Variants in MTHFD1L observed in about 807,000 individuals in gnomAD.
MTHFD1L encodes methylenetetrahydrofolate dehydrogenase (NADP+ dependent) 1 like.
MTHFD1L carries 81 observed loss-of-function variants against 119.5 expected under a neutral mutation model. That is an observed-to-expected ratio of 0.68 (90% CI 0.57 to 0.82). The LOEUF (loss-of-function observed/expected upper bound fraction) is 0.82, where lower values mean the gene tolerates loss of function less well. MTHFD1L is among the 40% of genes least tolerant of loss of function. The pLI, the probability that MTHFD1L is intolerant of heterozygous loss-of-function variation, is 0.00. For missense variants in MTHFD1L, 1,125 were observed against 1,253.4 expected, an observed-to-expected ratio of 0.90 and a Z score of 1.55; for synonymous variants, 430 against 475.2, an observed-to-expected ratio of 0.90 and a Z score of 1.24.
intron 24 of MTHFD1L, among the ~76,000 whole-genome samples, chr6:151,028,602 G>A (rs781067126): frequency 8.5e-5 from 13 of 152,254 alleles, no homozygotes; most frequent in East Asian, 3.9e-4. Context: ...CTGTAGAGCC[G>A]TCACATTCAT....
chr6:150,909,299 A>G (rs1786467935), intron 8 of MTHFD1L, among the ~76,000 whole-genome samples: 2 of 151,600 alleles, frequency 1.3e-5, no homozygotes, highest in South Asian at 2.1e-4. Flanking sequence ...AAAAAAACCT[A>G]TTTCTTAGAA....
chr6:150,888,569 C>T (rs1782689068), intron 7 of MTHFD1L, among the ~76,000 whole-genome samples: 1 of 152,036 alleles, frequency 6.6e-6, no homozygotes, highest in African/African-American at 2.4e-5. Flanking sequence ...TAAGAAGACC[C>T]ATATAAAAGC....
chr6:150,869,866 A>T (rs1473198493), intron 1 of MTHFD1L, among the ~76,000 whole-genome samples: 2 of 152,034 alleles, frequency 1.3e-5, no homozygotes, highest in Non-Finnish European at 1.5e-5. Context: ...TGGTGATGGG[A>T]CTAGATGACC....
rs1409615714 is a variant in MTHFD1L at position 151,092,518 on chromosome 6, C to A, written c.2899C>A (p.Leu967Ile). Residue 967 changes from leucine to isoleucine, a missense_variant, in exon 27 of 28, where the codon CTT (leucine) becomes ATT (isoleucine). Physicochemically the swap from Leu to Ile is conservative, Grantham distance 5. Transcript: ENST00000367321. Reference protein sequence around the residue: ...PTRPCFYDIDLDTETEQVKGL... With the variant: ...PTRPCFYDIDIDTETEQVKGL... ...CCGGCCCTGCTTTTATGACATAGAT[C>A]TTGATACCGAAACAGAACAAGTTAA... 1.2e-6 allele frequency: 2 copies of A among 1,614,164 alleles called. No individual in the cohort carries two copies. The highest frequency in any genetic ancestry group is 1.7e-6 in the Non-Finnish European group (2 of 1,180,034).
At chr6:151,025,235 GGCTCCATGCCCACTGA>G (rs1290958178) in intron 24 of MTHFD1L, among the ~76,000 whole-genome samples, 1 of 152,238 alleles carries the variant, frequency 6.6e-6, no homozygotes, top group African/African-American at 2.4e-5. Context: ...GAGCCCACAG[GGCTCCATGCCCACTGA>G]GCAGGCTCGT....
chr6:151,017,311 A>G (rs1010838715), intron 24 of MTHFD1L, among the ~76,000 whole-genome samples: 9 of 151,402 alleles, frequency 5.9e-5, no homozygotes, highest in Non-Finnish European at 1.3e-4. Context: ...TTCACTTAGC[A>G]TAATGTGCGT....
chr6:150,923,544 C>CTTTTTTTTTTT (rs61415562), intron 10 of MTHFD1L, among the ~76,000 whole-genome samples: 8 of 53,228 alleles, frequency 1.5e-4, no homozygotes, highest in African/African-American at 4.2e-4. Flanking sequence ...TTTATTTTTT[C>CTTTTTTTTTTT]TTTTTTTTTT....
intron 20 of MTHFD1L, among the ~76,000 whole-genome samples, chr6:150,990,489 C>T (rs373683418): frequency 6.6e-6 from 1 of 151,546 alleles, no homozygotes; most frequent in African/African-American, 2.4e-5. Context: ...GACAGAGTTT[C>T]ACTCTTCTTG....
chr6:151,067,473 G>A (rs180966034), intron 26 of MTHFD1L, among the ~76,000 whole-genome samples: 3 of 151,522 alleles, frequency 2.0e-5, no homozygotes, highest in South Asian at 2.1e-4. Context: ...CCAGGTGTGC[G>A]CCACCACACC....
Position 150,926,197 on chromosome 6 carries a change from T to A in MTHFD1L, c.1158T>A (p.Asp386Glu). ...VLAKEIGLLA[D>E]EIEIYGKSKA... ...CCAAGGAGATTGGATTGCTTGCAGATGAAATTGAAATCTATGGCAAAAGCA... is the reference window on the plus strand; with the variant it reads ...CCAAGGAGATTGGATTGCTTGCAGAAGAAATTGAAATCTATGGCAAAAGCA... Residue 386 changes from aspartate to glutamate, a missense_variant, in exon 11 of 28, where the codon GAT (aspartate) becomes GAA (glutamate). Asp to Glu is a conservative substitution (Grantham distance 45). Around this residue, in one of 3 missense-constraint regions of MTHFD1L, gnomAD observed 1,058 missense variants for 1,151.2 expected, o/e 0.92. Transcript: ENST00000367321. The surrounding 1 kb of genome is among the most constrained non-coding windows in gnomAD (Gnocchi z 4.3). 1 of 1,614,104 alleles carries A rather than the reference T, an allele frequency of 6.2e-7. No homozygotes were observed. Among genetic ancestry groups the A allele is most frequent in the Non-Finnish European group, 8.5e-7 (1 of 1,180,012 alleles).
At chr6:151,044,046 TAGTC>T (rs1488965046) in intron 26 of MTHFD1L, among the ~76,000 whole-genome samples, 4 of 151,880 alleles carry the variant, frequency 2.6e-5, no homozygotes, top group Non-Finnish European at 5.9e-5. Flanking sequence ...ATTTAGATGG[TAGTC>T]AGTGCCATGT....
intron 14 of MTHFD1L, among the ~76,000 whole-genome samples, chr6:150,945,207 T>C (rs967890692): frequency 2.0e-5 from 3 of 152,382 alleles, no homozygotes; most frequent in Admixed American, 2.0e-4. Flanking sequence ...TACATCTTCA[T>C]ATGGTAGTTG....
Position 150,922,136 on chromosome 6 carries a change from C to G in MTHFD1L, c.985-69C>G, listed in dbSNP as rs1295425988. On this transcript the variant is annotated intron_variant, in intron 9 of 27. Transcript: ENST00000367321. ...TTGTAACATCCACAAACAATATTTCCATGGTTTAAGTGTGTGCCCTGTCAG... is the reference window on the plus strand; with the variant it reads ...TTGTAACATCCACAAACAATATTTCGATGGTTTAAGTGTGTGCCCTGTCAG... 2.1e-5 allele frequency: 23 copies of G among 1,087,140 alleles called. No individual in the cohort carries two copies. The East Asian group carries it at 5.3e-4, about 25-fold the overall frequency. 67.3% of individuals were successfully genotyped at this position (1,087,140 alleles called of 1,614,324 possible). A position where few individuals can be genotyped will look rare whatever the true frequency, so the allele number is the denominator to read the frequency against.
chr6:151,036,899 G>A (rs1364845666), intron 25 of MTHFD1L, 66 bp from the exon 26 acceptor site: 6 of 1,564,496 alleles, frequency 3.8e-6, no homozygotes, highest in Non-Finnish European at 3.5e-6. Context: ...TGTATAAAGT[G>A]CAAATTGAAA....
rs1159841952 is a variant in MTHFD1L at position 150,871,092 on chromosome 6, C to CACCT, written c.228-4997_228-4994dup. On this transcript the variant is annotated intron_variant, in intron 1 of 27. Coordinates refer to ENST00000367321, the MANE Select transcript of MTHFD1L (RefSeq NM_015440.5). ...TATATACCTTAATTATATATATACACACCTTAATATATATATAATATATAT... is the reference window on the plus strand; with the variant it reads ...TATATACCTTAATTATATATATACACACCTACCTTAATATATATATAATATATAT... Among the ~76,000 whole-genome samples, 20 of 143,356 alleles carry CACCT rather than the reference C, an allele frequency of 1.4e-4. No individual in the cohort carries two copies. In the East Asian group the frequency reaches 4.0e-3, roughly 29 times the overall value. The allele number at this position is 143,356 out of a possible 152,430, so 94.0% of individuals were successfully genotyped here.
chr6:151,057,613 C>T (rs1239149702), intron 26 of MTHFD1L, among the ~76,000 whole-genome samples: 1 of 152,124 alleles, frequency 6.6e-6, no homozygotes, highest in Non-Finnish European at 1.5e-5. Flanking sequence ...GCCTGGGCAA[C>T]AGAGTGAGAC....
intron 1 of MTHFD1L, chr6:150,866,602 G>A: frequency 8.2e-7 from 1 of 1,217,838 alleles, no homozygotes; most frequent in South Asian, 4.2e-5. Flanking sequence ...GCTGGGGTCT[G>A]TGGCTGACGT....
rs368041086 is a variant in MTHFD1L, at chr6:150,911,781, A to T, written c.892+6020A>T. 7.2e-5 allele frequency among the ~76,000 whole-genome samples: 11 copies of T among 152,264 alleles called. No individual in the cohort carries two copies. In the South Asian group the frequency reaches 1.9e-3, roughly 26 times the overall value. ...AAAATCATGGCGGGAGGTGAAAAGC[A>T]CTTCTTACATGGCAGCAGCAAGAGA... On this transcript the variant is annotated intron_variant, in intron 8 of 27. Coordinates refer to ENST00000367321, the MANE Select transcript of MTHFD1L (RefSeq NM_015440.5).
chr6:150,942,989 C>A (rs1239983631), intron 13 of MTHFD1L, among the ~76,000 whole-genome samples: 1 of 152,044 alleles, frequency 6.6e-6, no homozygotes, highest in Non-Finnish European at 1.5e-5. Context: ...GTGATATTAT[C>A]AAGATCTCAA....
Sources: gnomAD v4.1 joint callset for allele counts (sites outside exome capture counted in the v4.1 genomes callset) on GRCh38, gnomAD v4.1.1 for gene constraint, gnomAD v4.1.1 regional missense constraint, Gnocchi (gnomAD v3.1) non-coding constraint, MANE v1.5 for transcripts, NCBI Gene and HGNC (gene_info 2026-07-23, HGNC 2026-07-21) for gene names.